C1QTNF2: variants seen among roughly 807,000 people sequenced by gnomAD.
C1QTNF2 encodes the protein complement C1q tumor necrosis factor-related protein 2.
Under a neutral mutation model 17.4 loss-of-function variants are expected in C1QTNF2, and 15 were observed. The ratio of observed to expected loss-of-function variants is 0.86; its 90% CI spans 0.58 to 1.33. C1QTNF2 has a LOEUF of 1.33. C1QTNF2 is among the 40% of genes most tolerant of loss of function. The probability of loss-of-function intolerance (pLI) is 0.00; values close to 1 mark genes in which losing one functional copy is unlikely to be tolerated. For missense variants in C1QTNF2, 381 were observed against 392.3 expected (o/e 0.97, Z 0.24); for synonymous variants, 154 against 163.3 (o/e 0.94, Z 0.44).
chr5:160,363,528 G>T (rs1316223690), intron 1 of C1QTNF2, among the ~76,000 whole-genome samples: 7 of 152,226 alleles, frequency 4.6e-5, no homozygotes, highest in Admixed American at 3.9e-4. Context: ...GGTCTCAGAA[G>T]CCAGGGGTTT....
At chr5:160,354,597 A>AATATATATATATATAT (rs769774870) in intron 2 of C1QTNF2, among the ~76,000 whole-genome samples, 171 bp downstream of exon 2, 3 of 89,306 alleles carry the variant, frequency 3.4e-5, no homozygotes, top group African/African-American at 9.7e-5. Flanking sequence ...AAAAAAAAAA[A>AATATATATATATATAT]GTATATATAT....
intron 1 of C1QTNF2, among the ~76,000 whole-genome samples, chr5:160,369,907 A>G (rs1764318351): frequency 6.6e-6 from 1 of 152,342 alleles, no homozygotes; most frequent in Middle Eastern, 3.4e-3. Context: ...GAAGAGAGTC[A>G]TGAGGCATTG....
At position 160,370,610 on chromosome 5, in the gene C1QTNF2, G is replaced by A. The variant is rs760662913; in HGVS notation, c.-108C>T. On this transcript the variant is annotated 5_prime_UTR_variant, in exon 1 of 3. Coordinates refer to ENST00000652664, the MANE Select transcript of C1QTNF2 (RefSeq NM_031908.6). The stretch of plus-strand genomic sequence containing the variant: ...TCCTCAGCGGCAGCAGCCGGGCAGA[G>A]CGTCGGCCCCAGGCATAGTTTTCCC... 7 of 1,448,524 alleles carry A rather than the reference G, an allele frequency of 4.8e-6. No homozygotes were observed. Among genetic ancestry groups the A allele is most frequent in the African/African-American group, 1.5e-5 (1 of 67,284 alleles). 89.7% of individuals were successfully genotyped at this position (1,448,524 alleles called of 1,614,324 possible). A position where few individuals can be genotyped will look rare whatever the true frequency, so the allele number is the denominator to read the frequency against.
chr5:160,367,677 C>T (rs1159778739), intron 1 of C1QTNF2, among the ~76,000 whole-genome samples: 2 of 152,152 alleles, frequency 1.3e-5, no homozygotes, highest in Non-Finnish European at 2.9e-5. Flanking sequence ...AAATAAATGT[C>T]TATTGTTGCA....
At chr5:160,364,708 CA>C (rs1393422316) in intron 1 of C1QTNF2, among the ~76,000 whole-genome samples, 3 of 151,742 alleles carry the variant, frequency 2.0e-5, no homozygotes, top group South Asian at 2.1e-4. Flanking sequence ...CAGGTGCTAC[CA>C]AAAAAAAGTC....
At chr5:160,360,540 G>A (rs1764134610) in intron 1 of C1QTNF2, among the ~76,000 whole-genome samples, 1 of 152,058 alleles carries the variant, frequency 6.6e-6, no homozygotes, top group East Asian at 1.9e-4. Context: ...CCTAGGGTGG[G>A]GCCAGCCTTG....
At chr5:160,358,026 C>T (rs185134277) in intron 1 of C1QTNF2, among the ~76,000 whole-genome samples, 2 of 152,356 alleles carry the variant, frequency 1.3e-5, no homozygotes, top group South Asian at 2.1e-4. Context: ...CCCACAATGG[C>T]CTTGCACCAG....
At chr5:160,353,538 T>C (rs72814351) in intron 2 of C1QTNF2, among the ~76,000 whole-genome samples, 26,814 of 151,936 alleles carry the variant, frequency 0.18, 2,468 homozygotes, top group Middle Eastern at 0.26. Context: ...GCCCTGCAAA[T>C]GGAGGCACCT....
At chr5:160,353,431 C>T (rs916546086) in intron 2 of C1QTNF2, among the ~76,000 whole-genome samples, 6 of 152,066 alleles carry the variant, frequency 3.9e-5, no homozygotes, top group Non-Finnish European at 7.4e-5. Context: ...TGCCCTTCAC[C>T]ATTTCATTTC....
intron 1 of C1QTNF2, among the ~76,000 whole-genome samples, chr5:160,368,717 G>A (rs1401707012): frequency 6.6e-6 from 1 of 152,130 alleles, no homozygotes; most frequent in Non-Finnish European, 1.5e-5. Flanking sequence ...ACATTTAGGA[G>A]TAGGAAGCAT....
In C1QTNF2 at chr5:160,349,685, T is replaced by C. The variant is rs754085622; in HGVS notation, c.341A>G (p.Asn114Ser). 1 of 1,611,244 alleles carries C rather than the reference T, an allele frequency of 6.2e-7. No individual in the cohort carries two copies. The highest frequency in any genetic ancestry group is 1.1e-5 in the South Asian group (1 of 90,864). Residue 114 changes from asparagine to serine, a missense_variant, in exon 3 of 3, where the codon AAC becomes AGC. Asn to Ser is a conservative substitution (Grantham distance 46). Coordinates refer to ENST00000652664, the MANE Select transcript of C1QTNF2 (RefSeq NM_031908.6). This position sits in a 1 kb window ranked among gnomAD's most constrained non-coding sequence, Gnocchi z 4.3. ...TGTGCCATGCTTCCCGGGGGTACCG[T>C]TGACCCCCTTGGGGCCACGGGGGCC... ...RAGPRGPKGV[N>S]GTPGKHGTPG...
In C1QTNF2 at chr5:160,348,949, G is replaced by T. The variant is rs1372962940; in HGVS notation, c.*219C>A. ...TCTTTCAGAGAATAGCATAGTGCCTGTTACACAGTAGATACTTTAAAAAGA... is the reference window on the plus strand; with the variant it reads ...TCTTTCAGAGAATAGCATAGTGCCTTTTACACAGTAGATACTTTAAAAAGA... On this transcript the variant is annotated 3_prime_UTR_variant, in exon 3 of 3. Coordinates refer to ENST00000652664, the MANE Select transcript of C1QTNF2 (RefSeq NM_031908.6). 2 of 568,008 alleles carry T rather than the reference G, an allele frequency of 3.5e-6. No individual in the cohort carries two copies. Among genetic ancestry groups the T allele is most frequent in the Non-Finnish European group, 6.1e-6 (2 of 329,360 alleles). 35.2% of individuals were successfully genotyped at this position (568,008 alleles called of 1,614,324 possible).
intron 1 of C1QTNF2, among the ~76,000 whole-genome samples, chr5:160,366,726 A>G (rs977217899): frequency 2.0e-5 from 3 of 152,240 alleles, no homozygotes; most frequent in African/African-American, 7.2e-5. Flanking sequence ...ACTTTTTGTT[A>G]ATATTACAAT....
chr5:160,354,716 C>G, intron 2 of C1QTNF2, 52 bp downstream of exon 2: 1 of 1,607,676 alleles, frequency 6.2e-7, no homozygotes, highest in East Asian at 2.2e-5. Flanking sequence ...CCCCCACATG[C>G]CGGATGCTGT....
chr5:160,364,426 G>A (rs1056822968), intron 1 of C1QTNF2, among the ~76,000 whole-genome samples: 1 of 152,186 alleles, frequency 6.6e-6, no homozygotes, highest in African/African-American at 2.4e-5. Context: ...TCTAGAATAA[G>A]GCCTGGCATA....
At chr5:160,360,435 CT>C (rs1428456761) in intron 1 of C1QTNF2, among the ~76,000 whole-genome samples, 7 of 152,202 alleles carry the variant, frequency 4.6e-5, no homozygotes, top group Non-Finnish European at 8.8e-5. Context: ...CAAATCTGTT[CT>C]TTTTTCCTCT....
At position 160,349,399 on chromosome 5, in the gene C1QTNF2, G is replaced by A. The variant is rs1301630286; in HGVS notation, c.627C>T (p.Ala209=). 2 of 1,613,962 alleles carry A rather than the reference G, an allele frequency of 1.2e-6. No individual in the cohort carries two copies. The highest frequency in any genetic ancestry group is 1.7e-6 in the Non-Finnish European group (2 of 1,180,034). Residue 209 remains alanine, a synonymous_variant, in exon 3 of 3, where the codon GCC becomes GCT. Coordinates refer to ENST00000652664, the MANE Select transcript of C1QTNF2 (RefSeq NM_031908.6). This position sits in a 1 kb window ranked among gnomAD's most constrained non-coding sequence, Gnocchi z 4.3. ...YDITLANKHL[A]IGLVHNGQYR... is the part of the protein sequence containing the mutation. ...ACTGGCCGTTGTGCACCAGGCCGATGGCCAGGTGCTTGTTGGCCAGCGTGA... is the reference window on the plus strand; with the variant it reads ...ACTGGCCGTTGTGCACCAGGCCGATAGCCAGGTGCTTGTTGGCCAGCGTGA...
chr5:160,365,196 C>T (rs536766298), intron 1 of C1QTNF2, among the ~76,000 whole-genome samples: 3 of 152,156 alleles, frequency 2.0e-5, no homozygotes, highest in South Asian at 2.1e-4. Flanking sequence ...ACCAGGCAGG[C>T]GGCAGGGGAA....
At position 160,349,204 on chromosome 5, in the gene C1QTNF2, T is replaced by G; in HGVS notation, c.822A>C (p.Leu274=). The change falls in exon 3 of 3, where the codon CTA becomes CTC. Residue 274 remains leucine, a synonymous_variant. Transcript: ENST00000652664. The surrounding 1 kb of genome is among the most constrained non-coding windows in gnomAD (Gnocchi z 4.3). ...YWTDSLFTGF[L]IYADQDDPNE... ...TGGGGTCATCCTGGTCGGCATAGAT[T>G]AGGAAGCCCGTAAAGAGGCTGTCTG... The G allele has an allele frequency of 2.5e-6, 4 of 1,613,870 alleles. No individual in the cohort carries two copies. The highest frequency in any genetic ancestry group is 2.5e-6 in the Non-Finnish European group (3 of 1,179,952).
Sources: allele counts gnomAD v4.1 joint callset (sites outside exome capture counted in the v4.1 genomes callset), GRCh38; gene constraint gnomAD v4.1.1; non-coding constraint Gnocchi (gnomAD v3.1); transcripts MANE v1.5; gene names NCBI Gene and HGNC (gene_info 2026-07-23, HGNC 2026-07-21).